The following FSTL4 variants were observed in gnomAD, a reference collection of about 807,000 sequenced individuals.
FSTL4 encodes the protein follistatin-related protein 4.
Under a neutral mutation model 78.2 loss-of-function variants are expected in FSTL4, and 28 were observed. That is an observed-to-expected ratio of 0.36 (90% confidence interval 0.27 to 0.49). FSTL4 has a LOEUF of 0.49. Ranked by LOEUF, FSTL4 falls within the 20% of genes least tolerant of loss-of-function variation. The pLI, the probability that FSTL4 is intolerant of heterozygous loss-of-function variation, is 0.98. For missense variants in FSTL4, 922 were observed against 1,084.9 expected (o/e 0.85, Z 2.11); for synonymous variants, 422 against 440.5 (o/e 0.96, Z 0.53).
intron 3 of FSTL4, among the ~76,000 whole-genome samples, chr5:133,495,489 A>G (rs537878276): frequency 1.9e-3 from 293 of 152,352 alleles, no homozygotes; most frequent in Middle Eastern, 0.01. Flanking sequence ...AGGCCTTTAC[A>G]TGACAAAATA....
intron 3 of FSTL4, among the ~76,000 whole-genome samples, chr5:133,418,913 T>C (rs1246935437): frequency 6.6e-6 from 1 of 152,290 alleles, no homozygotes; most frequent in East Asian, 1.9e-4. Flanking sequence ...TCCCTGTCCC[T>C]CCAACCCAAG....
At chr5:133,469,870 C>T (rs1184792768) in intron 3 of FSTL4, among the ~76,000 whole-genome samples, 2 of 152,030 alleles carry the variant, frequency 1.3e-5, no homozygotes, top group Admixed American at 1.3e-4. Flanking sequence ...CAAATAACAC[C>T]TCCCTCAGAG....
chr5:133,460,901 G>A (rs944504662), intron 3 of FSTL4, among the ~76,000 whole-genome samples: 2 of 152,170 alleles, frequency 1.3e-5, no homozygotes, highest in African/African-American at 4.8e-5. Flanking sequence ...CCAAGCAAGA[G>A]AAAATAAAGG....
At chr5:133,392,337 C>A (rs1580674153) in intron 4 of FSTL4, among the ~76,000 whole-genome samples, 1 of 152,014 alleles carries the variant, frequency 6.6e-6, no homozygotes, top group Non-Finnish European at 1.5e-5. Flanking sequence ...GGGGAAATAC[C>A]TGGAAGCAGC....
intron 3 of FSTL4, among the ~76,000 whole-genome samples, chr5:133,460,972 G>C (rs1460477835): frequency 6.6e-6 from 1 of 152,160 alleles, no homozygotes; most frequent in African/African-American, 2.4e-5. Context: ...GATATTAATT[G>C]TATGTATAAA....
Position 133,199,852 on chromosome 5 carries a change from A to T in FSTL4, c.1827-55T>A. ...TGCCTCCAGGGGTGGGGAATCTGTC[A>T]TTTGTCTTAAACAATTACATCCTCT... On this transcript the variant is annotated intron_variant, in intron 15 of 15. Coordinates refer to ENST00000265342, the MANE Select transcript of FSTL4 (RefSeq NM_015082.2). The surrounding 1 kb of genome is among the most constrained non-coding windows in gnomAD (Gnocchi z 4.4). The T allele has an allele frequency of 1.1e-6, 1 of 877,046 alleles. No homozygotes were observed. Among genetic ancestry groups the T allele is most frequent in the South Asian group, 1.7e-5 (1 of 60,558 alleles). 54.3% of individuals were successfully genotyped at this position (877,046 alleles called of 1,614,324 possible). A position where few individuals can be genotyped will look rare whatever the true frequency, so the allele number is the denominator to read the frequency against.
intron 3 of FSTL4, chr5:133,427,811 G>A: frequency 2.5e-6 from 1 of 406,986 alleles, no homozygotes; most frequent in Admixed American, 2.1e-5. Flanking sequence ...CCTTCTCAGA[G>A]GTTTCATCTG....
chr5:133,251,902 C>T (rs989037475), intron 6 of FSTL4, among the ~76,000 whole-genome samples: 2 of 152,130 alleles, frequency 1.3e-5, no homozygotes, highest in African/African-American at 2.4e-5. Context: ...TCCTGACCCG[C>T]GAGTACACCA....
chr5:133,634,596 G>T, the FSTL4 span, among the ~76,000 whole-genome samples: 1 of 152,072 alleles, frequency 6.6e-6, no homozygotes, highest in Non-Finnish European at 1.5e-5. Flanking sequence ...TATTTAACAG[G>T]AAGAATGGGG....
intron 4 of FSTL4, among the ~76,000 whole-genome samples, chr5:133,384,820 A>G (rs1475087917): frequency 6.6e-6 from 1 of 152,200 alleles, no homozygotes; most frequent in East Asian, 1.9e-4. Flanking sequence ...CAGCTTGGCC[A>G]AAGCTCCTTT....
chr5:133,812,324 C>T, the FSTL4 span, among the ~76,000 whole-genome samples: 137 of 152,288 alleles, frequency 9.0e-4, no homozygotes, highest in African/African-American at 3.1e-3. Context: ...AGATTGAAAC[C>T]CTGCAGGGTT....
the FSTL4 span, among the ~76,000 whole-genome samples, chr5:133,696,391 C>T: frequency 6.6e-6 from 1 of 152,248 alleles, no homozygotes; most frequent in East Asian, 1.9e-4. Flanking sequence ...CCTGCAGGTC[C>T]TTGGGGCCCA....
chr5:133,700,856 A>G, the FSTL4 span, among the ~76,000 whole-genome samples: 1 of 152,212 alleles, frequency 6.6e-6, no homozygotes, highest in Non-Finnish European at 1.5e-5. Flanking sequence ...GAAAGAAGTT[A>G]TTCCCGGCCT....
Position 133,199,390 on chromosome 5 carries a change from T to C in FSTL4, c.2234A>G (p.Glu745Gly). 6.2e-7 allele frequency: 1 copy of C among 1,614,190 alleles called. No individual in the cohort carries two copies. The highest frequency in any genetic ancestry group is 8.5e-7 in the Non-Finnish European group (1 of 1,180,026). ...SDLAFQRSFT[E>G]SNQYNIYAAL... ...CGCGTAGATGTTGTATTGATTGCTT[T>C]CAGTGAAGGAGCGCTGGAAGGCCAA... The change falls in exon 16 of 16, where the codon GAA (glutamate) becomes GGA (glycine). Residue 745 changes from glutamate to glycine, a missense_variant. Transcript: ENST00000265342. The surrounding 1 kb of genome is among the most constrained non-coding windows in gnomAD (Gnocchi z 4.4).
intron 7 of FSTL4, among the ~76,000 whole-genome samples, chr5:133,241,023 T>A (rs1751855026): frequency 6.6e-6 from 1 of 152,158 alleles, no homozygotes; most frequent in South Asian, 2.1e-4. Context: ...GGGCAGTATT[T>A]GAATGAGCTC....
At chr5:133,555,941 C>A (rs1326875986) in intron 3 of FSTL4, among the ~76,000 whole-genome samples, 1 of 152,152 alleles carries the variant, frequency 6.6e-6, no homozygotes, top group African/African-American at 2.4e-5. Flanking sequence ...TTTTACCCCC[C>A]ACAACGCATT....
chr5:133,233,442 G>A lies in FSTL4; in HGVS notation c.990C>T (p.Phe330=), dbSNP rs146842938. 4.5e-5 allele frequency: 73 copies of A among 1,614,078 alleles called. 1 individual carries two copies. The Admixed American group carries it at 8.3e-4, about 18-fold the overall frequency. ...CATTCACCTGCAGGACGTGGGTCTG[G>A]AACAGCTGCTCGTGGCCGGAAGCAT... ...TCHASGHEQL[F]QTHVLQVNVP... Residue 330 remains phenylalanine, a synonymous_variant, in exon 8 of 16, where the codon TTC becomes TTT. Coordinates refer to ENST00000265342, the MANE Select transcript of FSTL4 (RefSeq NM_015082.2).
At chr5:133,582,423 A>G (rs926252244) in intron 2 of FSTL4, among the ~76,000 whole-genome samples, 5 of 152,188 alleles carry the variant, frequency 3.3e-5, no homozygotes, top group Non-Finnish European at 1.5e-5. Context: ...AGCACTCAGT[A>G]TCTGGTAGCT....
chr5:133,326,411 A>G (rs1754213981), intron 4 of FSTL4, among the ~76,000 whole-genome samples: 1 of 152,210 alleles, frequency 6.6e-6, no homozygotes, highest in Admixed American at 6.5e-5. Flanking sequence ...CCACTTGGTA[A>G]CCCACTGCCG....
Sources: allele counts gnomAD v4.1 joint callset (sites outside exome capture counted in the v4.1 genomes callset), GRCh38; gene constraint gnomAD v4.1.1; non-coding constraint Gnocchi (gnomAD v3.1); transcripts MANE v1.5; gene names NCBI Gene and HGNC (gene_info 2026-07-23, HGNC 2026-07-21).